CUX1: variants seen among roughly 807,000 people sequenced by gnomAD.
CUX1 encodes cut like homeobox 1.
Under a neutral mutation model 158.8 loss-of-function variants are expected in CUX1, and 31 were observed. The ratio of observed to expected loss-of-function variants is 0.20; its 90% CI spans 0.15 to 0.26. The LOEUF is 0.26. CUX1 is among the 10% of genes least tolerant of loss of function. The pLI is 1.00. For synonymous variants in CUX1, 879 were observed against 862.1 expected (o/e 1.02, Z -0.34); for missense variants, 1,589 against 2,014.6 (o/e 0.79, Z 4.04).
At chr7:102,179,715 A>G (rs1792814883) in intron 11 of CUX1, among the ~76,000 whole-genome samples, 1 of 152,240 alleles carries the variant, frequency 6.6e-6, no homozygotes, top group Admixed American at 6.5e-5. Flanking sequence ...CCCTTGATTC[A>G]CAGGCTTCAG....
intron 3 of CUX1, among the ~76,000 whole-genome samples, chr7:102,060,227 G>A (rs904700660): frequency 6.6e-6 from 1 of 150,566 alleles, no homozygotes; most frequent in South Asian, 2.1e-4. Flanking sequence ...GCAGTGAGCC[G>A]AGATCACACC....
chr7:102,069,221 C>A (rs762248856), intron 3 of CUX1, among the ~76,000 whole-genome samples: 4 of 152,192 alleles, frequency 2.6e-5, no homozygotes, highest in Non-Finnish European at 5.9e-5. Flanking sequence ...ACCCTGACCG[C>A]TGCTCAGGTG....
In CUX1 at chr7:102,281,773, G is replaced by T. The variant is rs803069; in HGVS notation, c.1822-67G>T. Reference sequence around the variant, plus strand: ...GCCACCCTAGGGCCCTTTCTGTGAAGCCCAGGCAGCCCTGCAGGGGTGGGT... The same window carrying T: ...GCCACCCTAGGGCCCTTTCTGTGAATCCCAGGCAGCCCTGCAGGGGTGGGT... On this transcript the variant is annotated intron_variant, in intron 20 of 22. Transcript: ENST00000292538. 597,869 of 1,088,406 alleles carry T rather than the reference G, an allele frequency of 0.55. 165,367 individuals carry two copies. Among genetic ancestry groups the T allele is most frequent in the South Asian group, 0.58 (45,921 of 79,020 alleles). The allele number at this position is 1,088,406 out of a possible 1,614,324, so 67.4% of individuals were successfully genotyped here.
rs867758172 is a variant in CUX1, at chr7:101,984,143, T to C, written c.142-43955T>C. Among the ~76,000 whole-genome samples the C allele has an allele frequency of 5.1e-3, 490 of 95,592 alleles. 13 individuals carry two copies. Among genetic ancestry groups the C allele is most frequent in the African/African-American group, 0.017 (440 of 25,968 alleles). 62.7% of individuals were successfully genotyped at this position (95,592 alleles called of 152,430 possible). On this transcript the variant is annotated intron_variant, in intron 2 of 23. Transcript: ENST00000292535. ...ATATATATATATACACACACACATA[T>C]ATATATGTGTGTGTGTGTGTGTGTG...
chr7:101,899,305 T>C (rs1801890442), intron 1 of CUX1, among the ~76,000 whole-genome samples: 1 of 152,130 alleles, frequency 6.6e-6, no homozygotes, highest in African/African-American at 2.4e-5. Context: ...TCCCAGCACT[T>C]TGGGAGGCCA....
intron 2 of CUX1, among the ~76,000 whole-genome samples, chr7:102,013,866 C>T (rs563076611): frequency 2.0e-5 from 3 of 151,874 alleles, no homozygotes; most frequent in Non-Finnish European, 2.9e-5. Flanking sequence ...CACCATGCCT[C>T]GCTAATTTTT....
chr7:102,004,165 G>C (rs1050820024), intron 2 of CUX1, among the ~76,000 whole-genome samples: 1 of 152,198 alleles, frequency 6.6e-6, no homozygotes, highest in Non-Finnish European at 1.5e-5. Flanking sequence ...ACAGGGCTTT[G>C]ATATCCTGCC....
At chr7:102,124,499 C>T (rs1832397229) in intron 8 of CUX1, among the ~76,000 whole-genome samples, 1 of 127,636 alleles carries the variant, frequency 7.8e-6, no homozygotes, top group Non-Finnish European at 1.8e-5. Context: ...TATGATGGAG[C>T]CTTACAAAAG....
chr7:101,990,618 G>A (rs544823869), intron 2 of CUX1, among the ~76,000 whole-genome samples: 4 of 151,848 alleles, frequency 2.6e-5, no homozygotes, highest in Non-Finnish European at 5.9e-5. Flanking sequence ...TTCAAGTGAC[G>A]CTCCCACCTC....
intron 2 of CUX1, among the ~76,000 whole-genome samples, chr7:101,946,320 C>T (rs989484737): frequency 2.0e-5 from 3 of 152,154 alleles, no homozygotes; most frequent in Admixed American, 1.3e-4. Context: ...ATGTGGATCA[C>T]CTGAGGTCAG....
At chr7:102,106,693 G>A in intron 6 of CUX1, among the ~76,000 whole-genome samples, 1 of 152,108 alleles carries the variant, frequency 6.6e-6, no homozygotes, top group Admixed American at 6.6e-5. Context: ...GTACAAAACT[G>A]TCCTCAGCTG....
In CUX1 at chr7:102,130,018, G is replaced by A. The variant is rs183124862; in HGVS notation, c.674+14745G>A. Among the ~76,000 whole-genome samples the A allele has an allele frequency of 4.0e-3, 602 of 152,298 alleles. 2 individuals carry two copies. The highest frequency in any genetic ancestry group is 0.014 in the African/African-American group (576 of 41,558). On this transcript the variant is annotated intron_variant, in intron 8 of 23. Coordinates refer to ENST00000292535, the MANE Select transcript of CUX1 (RefSeq NM_181552.4). ...AAGTTTCCTATAGGAAGGCAGGAGC[G>A]AGCGAGATAATTGAACTCATTGATT...
chr7:102,203,327 G>C (rs1795639815), intron 18 of CUX1, among the ~76,000 whole-genome samples: 1 of 152,116 alleles, frequency 6.6e-6, no homozygotes, highest in African/African-American at 2.4e-5. Flanking sequence ...GGATCAGCAG[G>C]GGACAAATCC....
chr7:102,160,054 A>G (rs1446446804), intron 9 of CUX1, among the ~76,000 whole-genome samples: 1 of 147,120 alleles, frequency 6.8e-6, no homozygotes, highest in Non-Finnish European at 1.5e-5. Flanking sequence ...GGTGACATGC[A>G]CCTGTCATCC....
chr7:102,176,558 C>CTTTTTT (rs60973137), intron 10 of CUX1, among the ~76,000 whole-genome samples: 14 of 86,760 alleles, frequency 1.6e-4, no homozygotes, highest in Admixed American at 2.9e-4. Context: ...GCCAGGATTC[C>CTTTTTT]TTTTTTTTTT....
At chr7:102,076,201 G>T (rs781977866) in intron 4 of CUX1, among the ~76,000 whole-genome samples, 1 of 152,062 alleles carries the variant, frequency 6.6e-6, no homozygotes, top group Non-Finnish European at 1.5e-5. Context: ...TGGCCACATG[G>T]TGAAACCTCG....
rs112494807 is a variant in CUX1, at chr7:101,877,756, TTGTGTGTGTGTGTGTGTGTGTGTGTGTG to T, written c.31-38339_31-38312del. 8.1e-5 allele frequency among the ~76,000 whole-genome samples: 12 copies of T among 148,942 alleles called. No homozygotes were observed. In the East Asian group the frequency reaches 9.7e-4, roughly 12 times the overall value. ...AATCAGTACATTAAAATCCCTCCAA[TTGTGTGTGTGTGTGTGTGTGTGTGTGTG>T]TGTGTGTGTGTGTGTGTGTTTATTA... On this transcript the variant is annotated intron_variant, in intron 1 of 23. Transcript: ENST00000292535.
In CUX1 at chr7:102,200,180, T is replaced by C; in HGVS notation, c.2062+8T>C. 1 of 1,601,184 alleles carries C rather than the reference T, an allele frequency of 6.2e-7. No individual in the cohort carries two copies. Among genetic ancestry groups the C allele is most frequent in the Non-Finnish European group, 8.5e-7 (1 of 1,173,192 alleles). On this transcript the variant is annotated splice_region_variant and intron_variant, in intron 17 of 23. Coordinates refer to ENST00000292535, the MANE Select transcript of CUX1 (RefSeq NM_181552.4). ...TCCAAGTGCAGAAAACTGGTACAGC[T>C]TCCATTTCTTCATCCACTGTCTTCA...
intron 4 of CUX1, 101 bp downstream of exon 4, chr7:102,070,518 A>G: frequency 2.4e-6 from 2 of 839,588 alleles, no homozygotes; most frequent in South Asian, 3.0e-5. Context: ...GAAAATAAAT[A>G]CACCATCAGT....
Sources: gnomAD v4.1 joint callset for allele counts (sites outside exome capture counted in the v4.1 genomes callset) on GRCh38, gnomAD v4.1.1 for gene constraint, MANE v1.5 for transcripts, NCBI Gene and HGNC (gene_info 2026-07-23, HGNC 2026-07-21) for gene names.